The following SDK1 variants were observed in gnomAD, a reference collection of about 807,000 sequenced individuals.
The protein encoded by SDK1 is sidekick cell adhesion molecule 1.
Under a neutral mutation model 245.5 loss-of-function variants are expected in SDK1, and 157 were observed. The observed-to-expected ratio is 0.64, with a 90% confidence interval of 0.56 to 0.73. The LOEUF (loss-of-function observed/expected upper bound fraction) is 0.73, where lower values mean the gene tolerates loss of function less well. Among genes scored for constraint, SDK1 ranks in the 30% least tolerant of loss-of-function variants. The pLI, the probability that SDK1 is intolerant of heterozygous loss-of-function variation, is 0.00. For missense variants in SDK1, 3,583 were observed against 3,002.3 expected (o/e 1.19, Z -4.52); for synonymous variants, 1,647 against 1,278.5 (o/e 1.29, Z -6.15).
At chr7:3,425,428 C>G (rs1422300197) in intron 1 of SDK1, among the ~76,000 whole-genome samples, 2 of 152,134 alleles carry the variant, frequency 1.3e-5, no homozygotes, top group African/African-American at 2.4e-5. Context: ...TTGTCATCTT[C>G]CAATTTTCTG....
intron 4 of SDK1, among the ~76,000 whole-genome samples, chr7:3,777,375 A>G (rs930113969): frequency 3.3e-5 from 5 of 152,224 alleles, no homozygotes; most frequent in Non-Finnish European, 7.3e-5. Context: ...ATGGCTATCA[A>G]AGTGTTTACT....
intron 4 of SDK1, among the ~76,000 whole-genome samples, chr7:3,677,559 AC>A (rs1031801158): frequency 2.0e-5 from 3 of 152,088 alleles, no homozygotes; most frequent in African/African-American, 7.2e-5. Flanking sequence ...GGGGGAAACC[AC>A]CCCCGTGATT....
intron 30 of SDK1, among the ~76,000 whole-genome samples, chr7:4,157,628 G>A (rs1402189198): frequency 1.3e-5 from 2 of 152,166 alleles, no homozygotes; most frequent in South Asian, 2.1e-4. Flanking sequence ...TCCGTCGACG[G>A]GCTGGGGGTA....
chr7:4,240,978 C>G (rs1016819973), intron 42 of SDK1, among the ~76,000 whole-genome samples: 1 of 152,124 alleles, frequency 6.6e-6, no homozygotes, highest in African/African-American at 2.4e-5. Context: ...AGTTTGGAGG[C>G]CTTGGTCTTT....
intron 4 of SDK1, among the ~76,000 whole-genome samples, chr7:3,741,990 A>ATATATATATG (rs1491024913): frequency 1.1e-5 from 1 of 88,888 alleles, no homozygotes; most frequent in Non-Finnish European, 2.7e-5. Flanking sequence ...TAGTGTGCAT[A>ATATATATATG]TATATATATA....
chr7:3,503,870 G>C (rs977423673), intron 1 of SDK1, among the ~76,000 whole-genome samples: 1 of 152,070 alleles, frequency 6.6e-6, no homozygotes, highest in Admixed American at 6.5e-5. Context: ...TGTAGATAAA[G>C]GCAAGGCATG....
intron 4 of SDK1, among the ~76,000 whole-genome samples, chr7:3,660,292 A>G (rs1361067095): frequency 6.6e-6 from 1 of 152,028 alleles, no homozygotes; most frequent in African/African-American, 2.4e-5. Context: ...AGGAGGGCCC[A>G]ATACCATGGA....
At chr7:3,571,215 A>C (rs1375944835) in intron 1 of SDK1, among the ~76,000 whole-genome samples, 1 of 152,050 alleles carries the variant, frequency 6.6e-6, no homozygotes, top group African/African-American at 2.4e-5. Flanking sequence ...TATCCTAGCT[A>C]TTTGATATTA....
chr7:3,661,916 C>G (rs1783373740), intron 4 of SDK1, among the ~76,000 whole-genome samples: 1 of 152,104 alleles, frequency 6.6e-6, no homozygotes, highest in Non-Finnish European at 1.5e-5. Context: ...GCACGTGCAA[C>G]TCTAGAGGGC....
chr7:3,669,966 A>T (rs947376343), intron 4 of SDK1, among the ~76,000 whole-genome samples: 1 of 152,216 alleles, frequency 6.6e-6, no homozygotes, highest in African/African-American at 2.4e-5. Context: ...CCAAGGAATT[A>T]TCCTTGATAC....
At chr7:3,329,654 T>C (rs1780020359) in intron 1 of SDK1, among the ~76,000 whole-genome samples, 1 of 152,188 alleles carries the variant, frequency 6.6e-6, no homozygotes, top group East Asian at 1.9e-4. Context: ...CTGCTTTAAC[T>C]TGGTGTGCTG....
chr7:3,333,139 G>A (rs1780112183), intron 1 of SDK1, among the ~76,000 whole-genome samples: 1 of 152,158 alleles, frequency 6.6e-6, no homozygotes, highest in African/African-American at 2.4e-5. Context: ...TAAGAAATTG[G>A]GAACTAGGCT....
At chr7:3,384,175 CTTTTA>C (rs774741836) in intron 1 of SDK1, among the ~76,000 whole-genome samples, 11 of 151,948 alleles carry the variant, frequency 7.2e-5, no homozygotes, top group Admixed American at 2.0e-4. Flanking sequence ...TGTATTAAAG[CTTTTA>C]TTTTATCTTT....
chr7:3,994,163 C>A (rs931571042), intron 14 of SDK1, among the ~76,000 whole-genome samples: 14 of 152,260 alleles, frequency 9.2e-5, no homozygotes, highest in Admixed American at 2.6e-4. Context: ...CCATGGTTCA[C>A]CTTTGACCCA....
chr7:3,453,613 A>G (rs1038853739), intron 1 of SDK1, among the ~76,000 whole-genome samples: 8 of 152,270 alleles, frequency 5.3e-5, no homozygotes, highest in East Asian at 1.9e-4. Flanking sequence ...TGCCTACTGT[A>G]AGAGGCAAGG....
intron 2 of SDK1, among the ~76,000 whole-genome samples, chr7:3,621,626 CT>C (rs1396949544): frequency 6.6e-6 from 1 of 152,130 alleles, no homozygotes; most frequent in Admixed American, 6.5e-5. Flanking sequence ...AAGAACAGGC[CT>C]TTGTGTAGGC....
chr7:4,020,862 C>T (rs977109176), intron 17 of SDK1, among the ~76,000 whole-genome samples: 4 of 152,194 alleles, frequency 2.6e-5, no homozygotes, highest in African/African-American at 9.7e-5. Context: ...ACTCAAAGGG[C>T]ACTGTGAAGA....
intron 22 of SDK1, among the ~76,000 whole-genome samples, chr7:4,109,702 G>A (rs1004628405): frequency 6.6e-6 from 1 of 152,202 alleles, no homozygotes; most frequent in African/African-American, 2.4e-5. Context: ...CTCTCCCGTG[G>A]CTCCCTAGCT....
At chr7:3,637,222 C>T (rs1290454321) in intron 2 of SDK1, among the ~76,000 whole-genome samples, 1 of 152,076 alleles carries the variant, frequency 6.6e-6, no homozygotes, top group Non-Finnish European at 1.5e-5. Flanking sequence ...TTCAGCCCCC[C>T]AGGTAGCTGG....
Sources: gnomAD v4.1 joint callset for allele counts (sites outside exome capture counted in the v4.1 genomes callset) on GRCh38, gnomAD v4.1.1 for gene constraint, MANE v1.5 for transcripts, NCBI Gene and HGNC (gene_info 2026-07-23, HGNC 2026-07-21) for gene names.